SPEN: variants seen among roughly 807,000 people sequenced by gnomAD.
SPEN encodes msx2-interacting protein.
In SPEN, 18 loss-of-function variants were observed where a neutral mutation model predicts 269.9. The observed-to-expected ratio is 0.07, with a 90% CI of 0.05 to 0.10. SPEN has a LOEUF of 0.10. Among genes scored for constraint, SPEN ranks in the 10% least tolerant of loss-of-function variants. The probability of loss-of-function intolerance (pLI) is 1.00; values close to 1 mark genes in which losing one functional copy is unlikely to be tolerated. For synonymous variants in SPEN, 1,726 were observed against 1,765.7 expected, an observed-to-expected ratio of 0.98 and a Z score of 0.56; for missense variants, 3,822 against 4,631.2, an observed-to-expected ratio of 0.83 and a Z score of 5.07.
intron 3 of SPEN, among the ~76,000 whole-genome samples, chr1:15,883,885 C>T (rs963550041): frequency 2.1e-5 from 3 of 143,718 alleles, no homozygotes; most frequent in African/African-American, 7.7e-5. Flanking sequence ...TCTCGACTCA[C>T]TGCAAGCTCC....
At chr1:15,865,749 G>T (rs924688016) in intron 1 of SPEN, among the ~76,000 whole-genome samples, 1 of 151,940 alleles carries the variant, frequency 6.6e-6, no homozygotes, top group Admixed American at 6.6e-5. Flanking sequence ...TTTTGTTGGG[G>T]CGTCTCTTTC....
intron 1 of SPEN, 148 bp from the exon 2 acceptor site, chr1:15,872,668 A>C: frequency 2.1e-6 from 1 of 479,238 alleles, no homozygotes; most frequent in Non-Finnish European, 3.6e-6. Flanking sequence ...AGAGAGAAAA[A>C]CGTTAAGTGT....
chr1:15,918,028 T>C (rs924252121), intron 6 of SPEN: 7 of 152,096 alleles, frequency 4.6e-5, no homozygotes, highest in African/African-American at 1.7e-4. Flanking sequence ...TTATTTTGGT[T>C]TTGTGGGAGT....
At chr1:15,911,691 T>C (rs547298716) in intron 5 of SPEN, among the ~76,000 whole-genome samples, 1 of 152,382 alleles carries the variant, frequency 6.6e-6, no homozygotes, top group East Asian at 1.9e-4. Flanking sequence ...TTGGGCGCAG[T>C]GGCTCATGCC....
intron 3 of SPEN, among the ~76,000 whole-genome samples, chr1:15,898,012 T>G (rs1235948867): frequency 6.6e-6 from 1 of 152,012 alleles, no homozygotes; most frequent in African/African-American, 2.4e-5. Context: ...TCTGAGGAAG[T>G]TTACCTGGGA....
chr1:15,862,136 A>G (rs892313825), intron 1 of SPEN, among the ~76,000 whole-genome samples: 2 of 152,160 alleles, frequency 1.3e-5, no homozygotes, highest in African/African-American at 4.8e-5. Context: ...CTAATTTATG[A>G]TTTAGTCTCT....
intron 1 of SPEN, among the ~76,000 whole-genome samples, chr1:15,849,603 T>A (rs1220088732): frequency 7.0e-6 from 1 of 143,622 alleles, no homozygotes; most frequent in Non-Finnish European, 1.5e-5. Flanking sequence ...ACGTCGTGCC[T>A]GAGAAACCAG....
chr1:15,876,309 G>C lies in SPEN; in HGVS notation c.512G>C (p.Arg171Thr), dbSNP rs1221579509. 1 of 1,614,050 alleles carries C rather than the reference G, an allele frequency of 6.2e-7. No homozygotes were observed. The highest frequency in any genetic ancestry group is 1.3e-5 in the African/African-American group (1 of 75,008). The change falls in exon 3 of 15, where the codon AGA becomes ACA. Residue 171 changes from arginine to threonine, a missense_variant. By Grantham distance (71) the Arg-to-Thr change is moderately conservative. This residue lies in a region of SPEN where 327 missense variants were observed against 350.8 expected (regional missense o/e 0.93). Transcript: ENST00000375759. Reference protein sequence around the residue: ...RTRHYDQDYYRDPRERTLQHG... With the variant: ...RTRHYDQDYYTDPRERTLQHG... The stretch of plus-strand genomic sequence containing the variant: ...AGACATTACGATCAGGATTACTATA[G>C]AGATCCTCGAGAGCGGACTTTACAA...
intron 10 of SPEN, 152 bp from the exon 11 acceptor site, chr1:15,927,939 A>G (rs964973820): frequency 4.2e-5 from 29 of 688,044 alleles, no homozygotes; most frequent in Non-Finnish European, 6.6e-5. Context: ...TTGAAGCTAT[A>G]GTGGATAGCT....
At chr1:15,905,637 A>G (rs543202208) in intron 3 of SPEN, among the ~76,000 whole-genome samples, 2 of 151,314 alleles carry the variant, frequency 1.3e-5, no homozygotes, top group South Asian at 2.1e-4. Flanking sequence ...GAGTAGTGCA[A>G]TCTTGGCTCA....
chr1:15,912,673 G>A lies in SPEN; in HGVS notation c.1243+1372G>A, dbSNP rs534263949. Among the ~76,000 whole-genome samples, 33 of 152,268 alleles carry A rather than the reference G, an allele frequency of 2.2e-4. 1 individual carries two copies. Among genetic ancestry groups the A allele is most frequent in the South Asian group, 1.0e-3 (5 of 4,820 alleles). On this transcript the variant is annotated intron_variant, in intron 5 of 14. Transcript: ENST00000375759. ...ATATTATCTTTTCAAAGGATAATAG[G>A]TTAAGCCTTCACAGTCCTTCTTCCA...
In SPEN at chr1:15,932,260, A is replaced by T; in HGVS notation, c.6020A>T (p.Asp2007Val). Residue 2007 changes from aspartate (D) to valine (V), a missense_variant, in exon 11 of 15, where the codon GAT becomes GTT. By Grantham distance (152) the Asp-to-Val change is radical. Transcript: ENST00000375759. This position sits in a 1 kb window ranked among gnomAD's most constrained non-coding sequence, Gnocchi z 4.2. ...GKKGKNEPKV[D>V]ATRPEATTEV... is the part of the protein sequence containing the mutation. The stretch of plus-strand genomic sequence containing the variant: ...AAGGGAAAAAATGAACCGAAGGTGG[A>T]TGCTACACGTCCTGAGGCCACCACT... The T allele has an allele frequency of 6.2e-7, 1 of 1,611,338 alleles. No homozygotes were observed. Among genetic ancestry groups the T allele is most frequent in the Non-Finnish European group, 8.5e-7 (1 of 1,179,038 alleles).
At chr1:15,862,963 G>A (rs573253848) in intron 1 of SPEN, among the ~76,000 whole-genome samples, 4 of 152,180 alleles carry the variant, frequency 2.6e-5, no homozygotes, top group Admixed American at 6.6e-5. Context: ...GGGTTTCACT[G>A]TGTTAGCCAG....
intron 1 of SPEN, among the ~76,000 whole-genome samples, chr1:15,872,294 A>G (rs1318783550): frequency 6.8e-6 from 1 of 147,600 alleles, no homozygotes; most frequent in Non-Finnish European, 1.5e-5. Context: ...TTTTGTAAAT[A>G]TTATATTTAA....
chr1:15,899,243 C>T (rs1365564352), intron 3 of SPEN, among the ~76,000 whole-genome samples: 1 of 151,980 alleles, frequency 6.6e-6, no homozygotes, highest in African/African-American at 2.4e-5. Context: ...CGATTTTGGC[C>T]CACTGCAACC....
At position 15,931,562 on chromosome 1, in the gene SPEN, C is replaced by G. The variant is rs774087395; in HGVS notation, c.5322C>G (p.Ala1774=). Residue 1774 remains alanine, a synonymous_variant, in exon 11 of 15, where the codon GCC becomes GCG. Transcript: ENST00000375759. This position sits in a 1 kb window ranked among gnomAD's most constrained non-coding sequence, Gnocchi z 4.8. The part of the protein sequence containing the change: ...QKSEEANEPK[A]EKPDATADAE... ...CTGAGGAAGCCAATGAGCCAAAGGC[C>G]GAAAAGCCAGACGCCACTGCAGATG... The G allele has an allele frequency of 6.2e-7, 1 of 1,614,128 alleles. No homozygotes were observed. Among genetic ancestry groups the G allele is most frequent in the Admixed American group, 1.7e-5 (1 of 59,998 alleles).
Position 15,847,964 on chromosome 1 carries a change from GCCGCCGCCGCCGCCGCCCCGGCAC to G in SPEN, c.-98_-75del, listed in dbSNP as rs1557729580. 5.2e-6 allele frequency: 3 copies of G among 578,104 alleles called. No homozygotes were observed. The highest frequency in any genetic ancestry group is 8.2e-5 in the South Asian group (1 of 12,148). 35.8% of individuals were successfully genotyped at this position (578,104 alleles called of 1,614,324 possible). A position where few individuals can be genotyped will look rare whatever the true frequency, so the allele number is the denominator to read the frequency against. On this transcript the variant is annotated 5_prime_UTR_variant, in exon 1 of 15. Coordinates refer to ENST00000375759, the MANE Select transcript of SPEN (RefSeq NM_015001.3). Reference sequence around the variant, plus strand: ...CGCCGCTGCCGACGCCACCGCCGCAGCCGCCGCCGCCGCCGCCCCGGCACCCGCCTCCCGGCGCTGACGGTCTCG... The same window carrying G: ...CGCCGCTGCCGACGCCACCGCCGCAGCCGCCTCCCGGCGCTGACGGTCTCG...
At chr1:15,926,412 CAT>C (rs1553179243) in intron 10 of SPEN, among the ~76,000 whole-genome samples, 4 of 149,188 alleles carry the variant, frequency 2.7e-5, no homozygotes, top group Non-Finnish European at 4.4e-5. Context: ...CACACACACA[CAT>C]TTATAAATAT....
intron 1 of SPEN, among the ~76,000 whole-genome samples, chr1:15,858,116 G>C (rs2070405164): frequency 2.0e-5 from 3 of 152,118 alleles, no homozygotes; most frequent in Admixed American, 6.6e-5. Context: ...GACAGAGCAA[G>C]ACTCCGTCTC....
Sources: gnomAD v4.1 joint callset for allele counts (sites outside exome capture counted in the v4.1 genomes callset) on GRCh38, gnomAD v4.1.1 for gene constraint, gnomAD v4.1.1 regional missense constraint, Gnocchi (gnomAD v3.1) non-coding constraint, MANE v1.5 for transcripts, NCBI Gene and HGNC (gene_info 2026-07-23, HGNC 2026-07-21) for gene names.